MYO5B: variants seen among roughly 807,000 people sequenced by gnomAD.
MYO5B encodes the protein unconventional myosin-Vb.
In MYO5B, 143 loss-of-function variants were observed where a neutral mutation model predicts 229.3. The ratio of observed to expected loss-of-function variants is 0.62; its 90% CI spans 0.54 to 0.72. The LOEUF is 0.72. MYO5B is among the 30% of genes least tolerant of loss of function. MYO5B has a pLI of 0.00. For missense variants in MYO5B, 2,321 were observed against 2,331.0 expected, an observed-to-expected ratio of 1.00 and a Z score of 0.09; for synonymous variants, 918 against 885.2, an observed-to-expected ratio of 1.04 and a Z score of -0.66.
chr18:49,836,732 A>G lies in MYO5B; in HGVS notation c.5292T>C (p.Cys1764=), dbSNP rs369410784. The G allele has an allele frequency of 3.4e-5, 55 of 1,614,032 alleles. No homozygotes were observed. The African/African-American group carries it at 7.2e-4, about 21-fold the overall frequency. ...QEDAEAICSL[C]TSLSTQQIVK... Reference sequence around the variant, plus strand: ...GTACCTGCTGGGTGCTGAGGGAGGTACACAGGGAGCAGATAGCCTCTGCGT... The same window carrying G: ...GTACCTGCTGGGTGCTGAGGGAGGTGCACAGGGAGCAGATAGCCTCTGCGT... The change falls in exon 38 of 40, where the codon TGT becomes TGC. Residue 1764 remains cysteine, a synonymous_variant. Coordinates refer to ENST00000285039, the MANE Select transcript of MYO5B (RefSeq NM_001080467.3).
At chr18:50,059,432 G>A (rs1428495954) in intron 1 of MYO5B, among the ~76,000 whole-genome samples, 8 of 152,214 alleles carry the variant, frequency 5.3e-5, no homozygotes, top group Non-Finnish European at 1.5e-5. Flanking sequence ...CAGGGAGAGA[G>A]GGGAAAACAA....
At chr18:49,968,392 G>A (rs200338748) in intron 10 of MYO5B, among the ~76,000 whole-genome samples, 20 of 147,560 alleles carry the variant, frequency 1.4e-4, no homozygotes, top group East Asian at 4.0e-4. Context: ...CTTCTAAGCT[G>A]TATGTCTACA....
chr18:49,981,640 T>C (rs957346243), intron 8 of MYO5B, among the ~76,000 whole-genome samples: 4 of 152,234 alleles, frequency 2.6e-5, no homozygotes, highest in Non-Finnish European at 5.9e-5. Context: ...TGTCATTAGA[T>C]TCCCAGGGCC....
intron 1 of MYO5B, among the ~76,000 whole-genome samples, chr18:50,068,888 C>T (rs1479033273): frequency 3.3e-5 from 5 of 152,302 alleles, no homozygotes; most frequent in Middle Eastern, 3.4e-3. Flanking sequence ...CCCAGTAAGA[C>T]GGTTGCCCAG....
chr18:49,989,777 G>C (rs1422810501), intron 7 of MYO5B, among the ~76,000 whole-genome samples: 1 of 152,212 alleles, frequency 6.6e-6, no homozygotes, highest in African/African-American at 2.4e-5. Flanking sequence ...GTGCTCATCT[G>C]ATGGGGATGA....
intron 17 of MYO5B, among the ~76,000 whole-genome samples, chr18:49,928,002 G>A (rs1186010231): frequency 6.6e-6 from 1 of 151,996 alleles, no homozygotes; most frequent in Non-Finnish European, 1.5e-5. Context: ...TCCAACAAAG[G>A]ACTAATGTCC....
chr18:49,946,030 G>A (rs571755073), intron 14 of MYO5B, among the ~76,000 whole-genome samples: 172 of 152,078 alleles, frequency 1.1e-3, no homozygotes, highest in Non-Finnish European at 2.1e-3. Context: ...TGAGGCATGG[G>A]TAGAAGTTAC....
chr18:49,916,988 T>A (rs1460046036), intron 17 of MYO5B, among the ~76,000 whole-genome samples: 1 of 152,226 alleles, frequency 6.6e-6, no homozygotes, highest in Non-Finnish European at 1.5e-5. Context: ...TTTGGGTGTG[T>A]GTTCACTGCA....
intron 10 of MYO5B, among the ~76,000 whole-genome samples, chr18:49,971,508 T>A (rs1420238953): frequency 6.6e-6 from 1 of 152,190 alleles, no homozygotes; most frequent in Non-Finnish European, 1.5e-5. Flanking sequence ...ACTGACCTGA[T>A]AGATTAGAAA....
At chr18:49,938,413 T>C (rs2025274771) in intron 14 of MYO5B, among the ~76,000 whole-genome samples, 1 of 151,926 alleles carries the variant, frequency 6.6e-6, no homozygotes, top group African/African-American at 2.4e-5. Context: ...AATAAAGTAT[T>C]ACAAGGCTTT....
intron 14 of MYO5B, among the ~76,000 whole-genome samples, chr18:49,941,742 G>T (rs967460476): frequency 1.3e-5 from 2 of 149,072 alleles, no homozygotes; most frequent in African/African-American, 4.9e-5. Flanking sequence ...CGTGAAAATG[G>T]CCATACTGCC....
At chr18:50,190,279 G>A (rs1247670285) in intron 1 of MYO5B, among the ~76,000 whole-genome samples, 2 of 152,166 alleles carry the variant, frequency 1.3e-5, no homozygotes, top group African/African-American at 4.8e-5. Flanking sequence ...ATGATGAAAT[G>A]GTATTCACCA....
rs1189668114 is a variant in MYO5B at position 50,068,034 on chromosome 18, T to TAC, written c.28-12658_28-12657dup. On this transcript the variant is annotated intron_variant, in intron 1 of 39. Coordinates refer to ENST00000285039, the MANE Select transcript of MYO5B (RefSeq NM_001080467.3). The stretch of plus-strand genomic sequence containing the variant: ...ACACACACGTACATACATATATATA[T>TAC]ACACACATATACACACACACACACA... Among the ~76,000 whole-genome samples, 10 of 71,968 alleles carry TAC rather than the reference T, an allele frequency of 1.4e-4. No homozygotes were observed. In the South Asian group the frequency reaches 3.9e-3, roughly 28 times the overall value. 47.2% of individuals were successfully genotyped at this position (71,968 alleles called of 152,430 possible). A position where few individuals can be genotyped will look rare whatever the true frequency, so the allele number is the denominator to read the frequency against.
rs573922015 is a variant in MYO5B, at chr18:49,903,011, C to T, written c.2572-178G>A. Among the ~76,000 whole-genome samples the T allele has an allele frequency of 2.2e-4, 33 of 152,332 alleles. No homozygotes were observed. In the South Asian group the frequency reaches 3.5e-3, roughly 16 times the overall value. On this transcript the variant is annotated intron_variant, in intron 20 of 39. Coordinates refer to ENST00000285039, the MANE Select transcript of MYO5B (RefSeq NM_001080467.3). ...GTGGTTGTTTTATAACACATTTCAG[C>T]GAGGTTCTGCGCCTACATATCCACA...
chr18:50,037,097 T>A (rs1191060889), intron 3 of MYO5B, 103 bp from the exon 4 acceptor site: 9 of 1,290,352 alleles, frequency 7.0e-6, no homozygotes, highest in Non-Finnish European at 1.0e-5. Flanking sequence ...AACCAAAGAA[T>A]GAGAGGGCAG....
At chr18:49,858,683 A>C (rs888013304) in intron 29 of MYO5B, among the ~76,000 whole-genome samples, 1 of 152,242 alleles carries the variant, frequency 6.6e-6, no homozygotes, top group African/African-American at 2.4e-5. Context: ...CCAGCCTCAC[A>C]GGGCCATACT....
At chr18:50,015,018 T>C (rs745726717) in intron 4 of MYO5B, among the ~76,000 whole-genome samples, 1 of 152,216 alleles carries the variant, frequency 6.6e-6, no homozygotes, top group Non-Finnish European at 1.5e-5. Context: ...ATTGGGGGTC[T>C]TGCTAGATTT....
At chr18:49,865,875 C>A (rs2024389682) in intron 27 of MYO5B, among the ~76,000 whole-genome samples, 1 of 152,164 alleles carries the variant, frequency 6.6e-6, no homozygotes, top group African/African-American at 2.4e-5. Flanking sequence ...TTATCCCATT[C>A]TCTAACCATT....
chr18:50,093,209 C>CAG (rs2031485321), intron 1 of MYO5B, among the ~76,000 whole-genome samples: 3 of 71,488 alleles, frequency 4.2e-5, no homozygotes, highest in Admixed American at 2.3e-4. Context: ...CACACACAGA[C>CAG]ACACACACAC....
Sources: gnomAD v4.1 joint callset for allele counts (sites outside exome capture counted in the v4.1 genomes callset) on GRCh38, gnomAD v4.1.1 for gene constraint, MANE v1.5 for transcripts, NCBI Gene and HGNC (gene_info 2026-07-23, HGNC 2026-07-21) for gene names.